Variants in NMNAT2 observed in about 807,000 individuals in gnomAD.
The protein encoded by NMNAT2 is nicotinamide/nicotinic acid mononucleotide adenylyltransferase 2.
A neutral mutation model predicts 41.6 loss-of-function variants in NMNAT2; 11 were observed. That is an observed-to-expected ratio of 0.26 (90% CI 0.17 to 0.44). NMNAT2 has a LOEUF of 0.44. Among genes scored for constraint, NMNAT2 ranks in the 20% least tolerant of loss-of-function variants. The pLI, the probability that NMNAT2 is intolerant of heterozygous loss-of-function variation, is 1.00. For synonymous variants in NMNAT2, 148 were observed against 151.2 expected, an observed-to-expected ratio of 0.98 and a Z score of 0.16; for missense variants, 288 against 407.7, an observed-to-expected ratio of 0.71 and a Z score of 2.53.
chr1:183,306,345 AAGAATGTTTTCTTCC>A (rs1661992839), intron 1 of NMNAT2, among the ~76,000 whole-genome samples: 1 of 152,226 alleles, frequency 6.6e-6, no homozygotes, highest in Admixed American at 6.5e-5. Flanking sequence ...TTTTTCCAGA[AAGAATGTTTTCTTCC>A]AGAAAACATT....
intron 8 of NMNAT2, among the ~76,000 whole-genome samples, chr1:183,262,657 A>T (rs1571557776): frequency 1.3e-5 from 2 of 152,380 alleles, no homozygotes; most frequent in South Asian, 2.1e-4. Flanking sequence ...ATAAGAAATG[A>T]TATAATTGGA....
chr1:183,288,541 G>A (rs1304208835), intron 4 of NMNAT2, among the ~76,000 whole-genome samples: 1 of 152,226 alleles, frequency 6.6e-6, no homozygotes, highest in Non-Finnish European at 1.5e-5. Context: ...GTAACACAGG[G>A]AGAGTTCAGG....
intron 1 of NMNAT2, among the ~76,000 whole-genome samples, chr1:183,316,238 ACAGGT>A (rs1432345499): frequency 6.6e-6 from 1 of 152,136 alleles, no homozygotes; most frequent in Non-Finnish European, 1.5e-5. Flanking sequence ...TCATTTTGGC[ACAGGT>A]CATGGAGAGC....
At chr1:183,290,309 C>T in intron 3 of NMNAT2, 103 bp from the exon 4 acceptor site, 1 of 867,932 alleles carries the variant, frequency 1.2e-6, no homozygotes, top group Non-Finnish European at 1.8e-6. Flanking sequence ...CAGATCTGGC[C>T]ATACCATGCG....
At chr1:183,383,440 C>A (rs183205975) in intron 1 of NMNAT2, among the ~76,000 whole-genome samples, 5 of 152,334 alleles carry the variant, frequency 3.3e-5, no homozygotes, top group African/African-American at 1.2e-4. Context: ...GAATTCCTCC[C>A]CCCAAAATGG....
intron 1 of NMNAT2, among the ~76,000 whole-genome samples, chr1:183,340,747 G>A (rs887863054): frequency 6.6e-6 from 1 of 152,206 alleles, no homozygotes; most frequent in African/African-American, 2.4e-5. Flanking sequence ...TACCAAGCTG[G>A]GCTGACGAAA....
intron 1 of NMNAT2, among the ~76,000 whole-genome samples, chr1:183,344,816 A>G (rs886911807): frequency 1.3e-5 from 2 of 152,300 alleles, no homozygotes; most frequent in South Asian, 4.1e-4. Flanking sequence ...TGAGACCAGA[A>G]GCTGAGAAAG....
At chr1:183,389,753 A>G (rs927574998) in intron 1 of NMNAT2, among the ~76,000 whole-genome samples, 1 of 13,346 alleles carries the variant, frequency 7.5e-5, no homozygotes, top group Non-Finnish European at 1.6e-4. Flanking sequence ...AGAAAGAAAG[A>G]AAGAAAGAAA....
In NMNAT2 at chr1:183,265,315, G is replaced by A. The variant is rs1393143130; in HGVS notation, c.652-4012C>T. On this transcript the variant is annotated intron_variant, in intron 8 of 10. Coordinates refer to ENST00000287713, the MANE Select transcript of NMNAT2 (RefSeq NM_015039.4). ...ACAGAGTCTCACTGTTGCCCAGGCT[G>A]GAGTGCAGTGGCGCAATCTTGGCTC... Among the ~76,000 whole-genome samples the A allele has an allele frequency of 5.1e-5, 7 of 136,304 alleles. No individual in the cohort carries two copies. In the East Asian group the frequency reaches 1.1e-3, roughly 21 times the overall value. The allele number at this position is 136,304 out of a possible 152,430, so 89.4% of individuals were successfully genotyped here.
chr1:183,372,924 T>C (rs1236323215), intron 1 of NMNAT2, among the ~76,000 whole-genome samples: 2 of 152,220 alleles, frequency 1.3e-5, no homozygotes, highest in Non-Finnish European at 1.5e-5. Flanking sequence ...AGATTCTCCA[T>C]GGATTCTTCT....
intron 1 of NMNAT2, among the ~76,000 whole-genome samples, chr1:183,369,300 C>T (rs962385088): frequency 1.0e-4 from 15 of 144,518 alleles, no homozygotes; most frequent in Admixed American, 4.3e-4. Context: ...TTATTTTTGA[C>T]GGCATCTTGC....
intron 1 of NMNAT2, among the ~76,000 whole-genome samples, chr1:183,340,262 A>G (rs1482180259): frequency 6.6e-6 from 1 of 151,020 alleles, no homozygotes; most frequent in East Asian, 1.9e-4. Context: ...GCTGGTTAGT[A>G]CCCAGGTGGC....
intron 1 of NMNAT2, among the ~76,000 whole-genome samples, chr1:183,375,230 TAAAC>T (rs1571626213): frequency 6.6e-6 from 1 of 152,144 alleles, no homozygotes; most frequent in Admixed American, 6.5e-5. Context: ...AATAAATAAA[TAAAC>T]AAATAATAAC....
In NMNAT2 at chr1:183,361,508, A is replaced by C. The variant is rs1300651929; in HGVS notation, c.85+56675T>G. ...GAGGAAGTAAACATAATAAATTATA[A>C]CACAACTAGCAAAATACCTGGCACA... On this transcript the variant is annotated intron_variant, in intron 1 of 10. Coordinates refer to ENST00000287713, the MANE Select transcript of NMNAT2 (RefSeq NM_015039.4). Among the ~76,000 whole-genome samples, 4 of 152,332 alleles carry C rather than the reference A, an allele frequency of 2.6e-5. No homozygotes were observed. The East Asian group carries it at 7.7e-4, about 29-fold the overall frequency.
At chr1:183,367,425 T>G (rs1380669474) in intron 1 of NMNAT2, among the ~76,000 whole-genome samples, 1 of 152,174 alleles carries the variant, frequency 6.6e-6, no homozygotes, top group African/African-American at 2.4e-5. Flanking sequence ...GCCATTGTAC[T>G]CCAGCCTGGG....
intron 1 of NMNAT2, among the ~76,000 whole-genome samples, chr1:183,384,912 T>G (rs1476030103): frequency 6.6e-6 from 1 of 151,864 alleles, no homozygotes; most frequent in Non-Finnish European, 1.5e-5. Context: ...TGGAATAGGA[T>G]TGGGTGTGGT....
intron 7 of NMNAT2, 107 bp downstream of exon 7, chr1:183,283,888 C>T: frequency 9.2e-7 from 1 of 1,087,002 alleles, no homozygotes; most frequent in Non-Finnish European, 1.4e-6. Flanking sequence ...GACCCTGCTG[C>T]AAAACAGTCC....
intron 1 of NMNAT2, among the ~76,000 whole-genome samples, chr1:183,318,059 C>T (rs1662290322): frequency 6.6e-6 from 1 of 152,186 alleles, no homozygotes; most frequent in Non-Finnish European, 1.5e-5. Flanking sequence ...ATAGCCTTCA[C>T]AAACAGTTAT....
intron 8 of NMNAT2, among the ~76,000 whole-genome samples, chr1:183,268,023 T>C (rs1660864334): frequency 6.6e-6 from 1 of 152,100 alleles, no homozygotes; most frequent in Non-Finnish European, 1.5e-5. Flanking sequence ...GCTTTGATCA[T>C]ATCTTTTCAT....
Sources: gnomAD v4.1 joint callset for allele counts (sites outside exome capture counted in the v4.1 genomes callset) on GRCh38, gnomAD v4.1.1 for gene constraint, MANE v1.5 for transcripts, NCBI Gene and HGNC (gene_info 2026-07-23, HGNC 2026-07-21) for gene names.